Variants in GYPB observed in about 807,000 individuals in gnomAD.
The protein encoded by GYPB is glycophorin B (MNS blood group), also known as glycophorin-B.
Under a neutral mutation model 15.3 loss-of-function variants are expected in GYPB, and 13 were observed. The ratio of observed to expected loss-of-function variants is 0.85; its 90% CI spans 0.55 to 1.35. The LOEUF (loss-of-function observed/expected upper bound fraction) is 1.35, where lower values mean the gene tolerates loss of function less well. GYPB is among the 40% of genes most tolerant of loss of function. The pLI is 0.00. For synonymous variants in GYPB, 38 were observed against 36.9 expected, an observed-to-expected ratio of 1.03 and a Z score of -0.11; for missense variants, 131 against 108.3, an observed-to-expected ratio of 1.21 and a Z score of -0.93.
At chr4:144,001,091 G>A in intron 2 of GYPB, 94 bp downstream of exon 2, 1 of 1,598,948 alleles carries the variant, frequency 6.3e-7, no homozygotes, top group Non-Finnish European at 8.5e-7. Context: ...CTCAGTGTTT[G>A]TCAGTTTCTC....
chr4:144,011,729 C>A (rs577971764), intron 1 of GYPB, among the ~76,000 whole-genome samples: 1 of 151,226 alleles, frequency 6.6e-6, no homozygotes, highest in East Asian at 1.9e-4. Flanking sequence ...TTTTTGCTAA[C>A]GAATCAATAA....
chr4:144,018,830 T>C (rs1446994615), intron 1 of GYPB, among the ~76,000 whole-genome samples: 1 of 151,216 alleles, frequency 6.6e-6, no homozygotes, highest in Non-Finnish European at 1.5e-5. Flanking sequence ...TCTCACCATT[T>C]GGCAGAAATA....
At chr4:144,009,141 C>T (rs1280690501) in intron 1 of GYPB, among the ~76,000 whole-genome samples, 3 of 151,224 alleles carry the variant, frequency 2.0e-5, no homozygotes, top group East Asian at 3.8e-4. Context: ...ACTTTAATCA[C>T]TTTCCAAGGA....
At chr4:144,015,790 A>G (rs1443438301) in intron 1 of GYPB, among the ~76,000 whole-genome samples, 1 of 151,202 alleles carries the variant, frequency 6.6e-6, no homozygotes, top group Non-Finnish European at 1.5e-5. Flanking sequence ...AGCTCATCTC[A>G]GGCTGAATTT....
At chr4:144,010,880 A>G (rs891661690) in intron 1 of GYPB, among the ~76,000 whole-genome samples, 1 of 151,598 alleles carries the variant, frequency 6.6e-6, no homozygotes, top group Admixed American at 6.5e-5. Flanking sequence ...GGACAATTAC[A>G]AGTAGGCTGT....
chr4:144,014,182 G>C (rs530962290), intron 1 of GYPB, among the ~76,000 whole-genome samples: 2 of 151,840 alleles, frequency 1.3e-5, no homozygotes, highest in African/African-American at 4.9e-5. Flanking sequence ...CTGTGGAAAA[G>C]AGTTGAGCAG....
intron 1 of GYPB, among the ~76,000 whole-genome samples, chr4:144,013,393 A>G (rs1480784465): frequency 6.6e-6 from 1 of 151,252 alleles, no homozygotes; most frequent in South Asian, 2.1e-4. Context: ...TGGAAATACC[A>G]TTTGACCCAG....
chr4:144,006,208 G>A (rs1727907256), intron 1 of GYPB, among the ~76,000 whole-genome samples: 1 of 151,944 alleles, frequency 6.6e-6, no homozygotes, highest in Non-Finnish European at 1.5e-5. Context: ...AGGGTGGAAT[G>A]AATTGGTATA....
At chr4:144,005,772 G>C (rs1412935186) in intron 1 of GYPB, among the ~76,000 whole-genome samples, 1 of 151,714 alleles carries the variant, frequency 6.6e-6, no homozygotes, top group Non-Finnish European at 1.5e-5. Flanking sequence ...CATTTTCTTA[G>C]CTGCATGGGC....
intron 1 of GYPB, chr4:144,012,435 T>C (rs576175630): frequency 1.3e-5 from 2 of 151,620 alleles, no homozygotes; most frequent in African/African-American, 4.9e-5. Flanking sequence ...ACAGATTAAG[T>C]TAAAATGCGC....
chr4:143,999,265 T>C, intron 3 of GYPB, 146 bp downstream of exon 3: 1 of 579,698 alleles, frequency 1.7e-6, no homozygotes, highest in Non-Finnish European at 3.1e-6. Context: ...AGAGAATATT[T>C]TCTTTGTCTT....
At chr4:143,999,557 T>C (rs1727512347) in intron 2 of GYPB, 108 bp from the exon 3 acceptor site, 1 of 643,294 alleles carries the variant, frequency 1.6e-6, no homozygotes, top group Non-Finnish European at 2.8e-6. Flanking sequence ...TAATCATATT[T>C]TGAGAGTTGT....
rs754092796 is a variant in GYPB, at chr4:143,999,391, T to G, written c.175+20A>C. 7.1e-6 allele frequency: 10 copies of G among 1,414,092 alleles called. No homozygotes were observed. The East Asian group carries it at 2.3e-4, about 32-fold the overall frequency. 87.6% of individuals were successfully genotyped at this position (1,414,092 alleles called of 1,614,324 possible). ...GTTTAAAATGGAATGACTTTTATTC[T>G]TTGTCAAATATTAACATACCTGGTA... is the stretch of plus-strand genomic sequence containing the variant. On this transcript the variant is annotated intron_variant, in intron 3 of 4. Transcript: ENST00000502664.
chr4:144,008,534 A>G, intron 1 of GYPB: 1 of 454,780 alleles, frequency 2.2e-6, no homozygotes. Flanking sequence ...TTTTCCAGCC[A>G]AGCATATTCC....
chr4:144,003,207 G>A (rs1221709086), intron 1 of GYPB, among the ~76,000 whole-genome samples: 1 of 151,382 alleles, frequency 6.6e-6, no homozygotes, highest in Non-Finnish European at 1.5e-5. Context: ...TGTTAGATAT[G>A]AGCTTTGGCT....
At chr4:144,008,046 A>ACACAT (rs1224781046) in intron 1 of GYPB, among the ~76,000 whole-genome samples, 1 of 151,464 alleles carries the variant, frequency 6.6e-6, no homozygotes, top group African/African-American at 2.5e-5. Flanking sequence ...ACTTCATTCC[A>ACACAT]CACATCTCTC....
intron 1 of GYPB, among the ~76,000 whole-genome samples, chr4:144,014,950 A>G (rs116815362): frequency 0.012 from 1,885 of 151,542 alleles, 147 homozygotes; most frequent in African/African-American, 0.044. Context: ...ACCAAAGTTG[A>G]TTAAATAGCT....
intron 1 of GYPB, among the ~76,000 whole-genome samples, chr4:144,014,865 G>T (rs539160916): frequency 7.9e-5 from 12 of 151,484 alleles, no homozygotes; most frequent in African/African-American, 2.7e-4. Flanking sequence ...TGCTATATCA[G>T]TGTTGGTTAT....
intron 1 of GYPB, among the ~76,000 whole-genome samples, chr4:144,009,224 GC>G (rs1219425389): frequency 1.3e-5 from 2 of 151,392 alleles, no homozygotes; most frequent in African/African-American, 2.5e-5. Context: ...TTGGCCTGCA[GC>G]CTCACAACCT....
Sources: gnomAD v4.1 joint callset for allele counts (sites outside exome capture counted in the v4.1 genomes callset) on GRCh38, gnomAD v4.1.1 for gene constraint, MANE v1.5 for transcripts, NCBI Gene and HGNC (gene_info 2026-07-23, HGNC 2026-07-21) for gene names.